TMEM132D: variants seen among roughly 807,000 people sequenced by gnomAD.
TMEM132D encodes mature OL transmembrane protein.
In TMEM132D, 21 loss-of-function variants were observed where a neutral mutation model predicts 62.3. That is an observed-to-expected ratio of 0.34 (90% CI 0.24 to 0.49). TMEM132D has a LOEUF of 0.49. Among genes scored for constraint, TMEM132D ranks in the 20% least tolerant of loss-of-function variants. TMEM132D has a pLI of 0.99. For missense variants in TMEM132D, 1,346 were observed against 1,402.8 expected, an observed-to-expected ratio of 0.96 and a Z score of 0.65; for synonymous variants, 621 against 575.6, an observed-to-expected ratio of 1.08 and a Z score of -1.13.
chr12:129,501,016 T>TG (rs1478077069), intron 3 of TMEM132D, among the ~76,000 whole-genome samples: 9 of 148,774 alleles, frequency 6.0e-5, no homozygotes, highest in African/African-American at 2.3e-4. Context: ...TAGTCTCCCC[T>TG]GTAAATGAGG....
chr12:129,148,373 G>A (rs1489692785), intron 5 of TMEM132D, among the ~76,000 whole-genome samples: 2 of 152,168 alleles, frequency 1.3e-5, no homozygotes, highest in African/African-American at 2.4e-5. Context: ...AAATGGGGAG[G>A]TTATCCTGGT....
chr12:129,224,580 A>G (rs1879431562), intron 4 of TMEM132D, among the ~76,000 whole-genome samples: 1 of 152,166 alleles, frequency 6.6e-6, no homozygotes, highest in South Asian at 2.1e-4. Context: ...TAGAAATAAT[A>G]TTTTATTGTA....
At chr12:129,102,520 A>G (rs1282974404) in intron 5 of TMEM132D, among the ~76,000 whole-genome samples, 1 of 151,032 alleles carries the variant, frequency 6.6e-6, no homozygotes, top group Non-Finnish European at 1.5e-5. Flanking sequence ...GCACACACGC[A>G]CACACACAAC....
chr12:129,834,263 T>C (rs1472465361), intron 1 of TMEM132D, among the ~76,000 whole-genome samples: 1 of 152,194 alleles, frequency 6.6e-6, no homozygotes, highest in Non-Finnish European at 1.5e-5. Context: ...TTAGAAATTC[T>C]AGGGGCTTGT....
chr12:129,594,253 CT>C (rs1878273607), intron 2 of TMEM132D, among the ~76,000 whole-genome samples: 1 of 152,160 alleles, frequency 6.6e-6, no homozygotes, highest in Non-Finnish European at 1.5e-5. Context: ...ATATGGCCTC[CT>C]TGAAGATGAT....
chr12:129,266,917 C>A (rs1159683934), intron 4 of TMEM132D, among the ~76,000 whole-genome samples: 1 of 152,132 alleles, frequency 6.6e-6, no homozygotes, highest in African/African-American at 2.4e-5. Context: ...CACTCTTGGA[C>A]ATCCCAGCCC....
chr12:129,140,465 T>C (rs1002318624), intron 5 of TMEM132D, among the ~76,000 whole-genome samples: 3 of 152,224 alleles, frequency 2.0e-5, no homozygotes, highest in Non-Finnish European at 4.4e-5. Context: ...ATGGTAGTTT[T>C]ATTCTTTTCT....
chr12:129,677,533 G>T (rs1222054810), intron 2 of TMEM132D, among the ~76,000 whole-genome samples: 3 of 152,166 alleles, frequency 2.0e-5, no homozygotes, highest in Admixed American at 6.5e-5. Flanking sequence ...TCTATCTCTG[G>T]TAAGTGACAA....
At chr12:129,701,593 A>G (rs533297263) in intron 1 of TMEM132D, among the ~76,000 whole-genome samples, 2 of 152,220 alleles carry the variant, frequency 1.3e-5, no homozygotes, top group Non-Finnish European at 2.9e-5. Context: ...CACTGAACGT[A>G]TCTCTCCCTC....
chr12:129,730,235 G>A (rs1055457050), intron 1 of TMEM132D, among the ~76,000 whole-genome samples: 3 of 152,118 alleles, frequency 2.0e-5, no homozygotes, highest in African/African-American at 4.8e-5. Context: ...GACAAAGAGG[G>A]TGGCAATGAA....
At chr12:129,680,090 T>G (rs996900327) in intron 2 of TMEM132D, among the ~76,000 whole-genome samples, 1 of 152,218 alleles carries the variant, frequency 6.6e-6, no homozygotes, top group Non-Finnish European at 1.5e-5. Context: ...TCTCCCTTTC[T>G]GTAATGTTTT....
intron 2 of TMEM132D, among the ~76,000 whole-genome samples, chr12:129,604,401 T>C (rs1373679719): frequency 6.6e-6 from 1 of 152,218 alleles, no homozygotes; most frequent in Non-Finnish European, 1.5e-5. Flanking sequence ...TACTGAAGGA[T>C]ATCTTGGTTG....
chr12:129,484,212 T>C (rs10847888), intron 3 of TMEM132D, among the ~76,000 whole-genome samples: 87,501 of 151,922 alleles, frequency 0.58, 26,631 homozygotes, highest in African/African-American at 0.79. Flanking sequence ...TCAGATGATC[T>C]GCCTGCCTTG....
At chr12:129,449,706 A>C (rs553689960) in intron 3 of TMEM132D, among the ~76,000 whole-genome samples, 23 of 152,320 alleles carry the variant, frequency 1.5e-4, no homozygotes, top group African/African-American at 5.3e-4. Flanking sequence ...CAGCACACCA[A>C]GTGTGAATCC....
At chr12:129,076,689 C>T (rs1015242685) in intron 8 of TMEM132D, among the ~76,000 whole-genome samples, 12 of 152,204 alleles carry the variant, frequency 7.9e-5, no homozygotes, top group East Asian at 3.8e-4. Flanking sequence ...AGCATTCAAA[C>T]GCACAACGGA....
intron 5 of TMEM132D, among the ~76,000 whole-genome samples, chr12:129,089,107 A>C (rs368474838): frequency 2.7e-5 from 1 of 37,296 alleles, no homozygotes; most frequent in Non-Finnish European, 4.3e-5. Flanking sequence ...GGTGTCCTCC[A>C]TGACCGGGGT....
At chr12:129,082,326 C>T (rs1874481742) in intron 6 of TMEM132D, among the ~76,000 whole-genome samples, 1 of 152,228 alleles carries the variant, frequency 6.6e-6, no homozygotes, top group East Asian at 1.9e-4. Context: ...TGGGCTGGAC[C>T]TAGTTTCTTT....
intron 4 of TMEM132D, among the ~76,000 whole-genome samples, chr12:129,244,582 C>T (rs965713173): frequency 2.6e-5 from 4 of 152,028 alleles, no homozygotes; most frequent in South Asian, 2.1e-4. Context: ...AAAACCCATC[C>T]GACTAAGTGG....
chr12:129,337,826 A>T lies in TMEM132D; in HGVS notation c.1116-9T>A, dbSNP rs1280238079. The T allele has an allele frequency of 3.1e-6, 5 of 1,599,988 alleles. No homozygotes were observed. In the Admixed American group the frequency reaches 8.5e-5, roughly 27 times the overall value. On this transcript the variant is annotated splice_polypyrimidine_tract_variant and intron_variant, in intron 3 of 8. Transcript: ENST00000422113. ...AGGAGGCGCCATCCGCACTGGAGAG[A>T]AGACACAGAGGAGAACAGCTTTCAG... is the stretch of plus-strand genomic sequence containing the variant.
Sources: allele counts gnomAD v4.1 joint callset (sites outside exome capture counted in the v4.1 genomes callset), GRCh38; gene constraint gnomAD v4.1.1; transcripts MANE v1.5; gene names NCBI Gene and HGNC (gene_info 2026-07-23, HGNC 2026-07-21).